The following ZNF469 variants were observed in gnomAD, a reference collection of about 807,000 sequenced individuals.
ZNF469 encodes the protein zinc finger protein 469.
A neutral mutation model predicts 1.0 loss-of-function variants in ZNF469; 1 was observed. The observed-to-expected ratio is 1.00, with a 90% CI of 0.35 to 4.73. ZNF469 has a LOEUF of 4.73. Ranked by LOEUF, ZNF469 falls within the 30% of genes most tolerant of loss-of-function variation. The pLI is 0.16. For missense variants in ZNF469, 6,100 were observed against 5,356.3 expected, an observed-to-expected ratio of 1.14 and a Z score of -4.33; for synonymous variants, 2,703 against 2,363.4, an observed-to-expected ratio of 1.14 and a Z score of -4.17.
At chr16:88,406,809 G>A (rs998143457) in intron 1 of ZNF469, among the ~76,000 whole-genome samples, 1 of 152,142 alleles carries the variant, frequency 6.6e-6, no homozygotes, top group Non-Finnish European at 1.5e-5. Flanking sequence ...TACTGTTAGT[G>A]TTTTGCTTTC....
At chr16:88,417,754 GCACCTC>G (rs1206572429) in intron 1 of ZNF469, among the ~76,000 whole-genome samples, 1 of 152,194 alleles carries the variant, frequency 6.6e-6, no homozygotes, top group Non-Finnish European at 1.5e-5. Context: ...TGCTACAGTT[GCACCTC>G]CACCTCCCAG....
chr16:88,328,119 G>T, the ZNF469 span, among the ~76,000 whole-genome samples: 1 of 152,242 alleles, frequency 6.6e-6, no homozygotes, highest in African/African-American at 2.4e-5. Context: ...CGAGGAATCC[G>T]CAGGTCCCAG....
At chr16:88,247,437 T>A in the ZNF469 span, among the ~76,000 whole-genome samples, 3 of 149,988 alleles carry the variant, frequency 2.0e-5, no homozygotes, top group Non-Finnish European at 4.4e-5. Flanking sequence ...AATGAATGAG[T>A]GAATAAGTGA....
Position 88,439,613 on chromosome 16 carries a change from G to T in ZNF469, c.*281G>T. The T allele has an allele frequency of 2.1e-6, 1 of 481,714 alleles. No homozygotes were observed. Among genetic ancestry groups the T allele is most frequent in the Non-Finnish European group, 3.8e-6 (1 of 262,686 alleles). The allele number at this position is 481,714 out of a possible 1,614,324, so 29.8% of individuals were successfully genotyped here. A position where few individuals can be genotyped will look rare whatever the true frequency, so the allele number is the denominator to read the frequency against. ...TTGGTACCAAGTACTTGAAGAGACA[G>T]CAGCCCATCCCCTCAGCCCACACCC... On this transcript the variant is annotated 3_prime_UTR_variant, in exon 3 of 3. Transcript: ENST00000565624.
intron 1 of ZNF469, among the ~76,000 whole-genome samples, chr16:88,403,163 A>G (rs1456679263): frequency 2.0e-5 from 3 of 152,184 alleles, no homozygotes; most frequent in African/African-American, 7.2e-5. Context: ...GCTCGGGGCC[A>G]GTGGCCGTGC....
Position 88,429,234 on chromosome 16 carries a change from C to T in ZNF469, c.1764C>T (p.Pro588=), listed in dbSNP as rs1012060303. Residue 588 remains proline (P), a synonymous_variant, in exon 3 of 3, where the codon CCC becomes CCT. Transcript: ENST00000565624. The stretch of plus-strand genomic sequence containing the variant: ...CACCGAGGGTAGTGGGAGCCTCCCC[C>T]AGCGAGTCCCCACTGCCGTCACCGG... The part of the protein sequence containing the change: ...LPPPRVVGAS[P]SESPLPSPAT... 6 of 1,549,678 alleles carry T rather than the reference C, an allele frequency of 3.9e-6. No individual in the cohort carries two copies. The Admixed American group carries it at 5.9e-5, about 15-fold the overall frequency.
chr16:88,376,752 G>A, the ZNF469 span, among the ~76,000 whole-genome samples: 4 of 152,194 alleles, frequency 2.6e-5, no homozygotes, highest in East Asian at 5.8e-4. Flanking sequence ...GGGGTGTCCC[G>A]GCCACACGGC....
the ZNF469 span, among the ~76,000 whole-genome samples, chr16:88,365,535 G>C: frequency 6.6e-6 from 1 of 152,198 alleles, no homozygotes; most frequent in Non-Finnish European, 1.5e-5. Context: ...CAGGGGCAGG[G>C]CTCTGCTGGG....
At chr16:88,232,518 T>C in the ZNF469 span, among the ~76,000 whole-genome samples, 1 of 152,106 alleles carries the variant, frequency 6.6e-6, no homozygotes, top group Non-Finnish European at 1.5e-5. Flanking sequence ...CTTTCCTCCA[T>C]CCTGATTAGG....
At chr16:88,392,242 C>G (rs927136832) in intron 1 of ZNF469, among the ~76,000 whole-genome samples, 27 of 152,284 alleles carry the variant, frequency 1.8e-4, no homozygotes, top group African/African-American at 6.5e-4. Flanking sequence ...TGTCTTGATT[C>G]TGGCCAGCGA....
chr16:88,106,843 C>T, the ZNF469 span, among the ~76,000 whole-genome samples: 2 of 152,256 alleles, frequency 1.3e-5, no homozygotes, highest in Non-Finnish European at 2.9e-5. Context: ...CTGAAGCCAT[C>T]GCCCCCAGGC....
chr16:88,113,980 G>T, the ZNF469 span, among the ~76,000 whole-genome samples: 2 of 152,202 alleles, frequency 1.3e-5, no homozygotes, highest in Non-Finnish European at 2.9e-5. Context: ...CGTGCGATGG[G>T]AGGTCCTGTG....
chr16:88,110,842 A>G, the ZNF469 span, among the ~76,000 whole-genome samples: 147,944 of 152,348 alleles, frequency 0.97, 72,001 homozygotes, highest in Middle Eastern at 1. Flanking sequence ...GGTGCAGCTC[A>G]GCCGGGTGTA....
chr16:88,290,501 G>C, the ZNF469 span, among the ~76,000 whole-genome samples: 1 of 152,198 alleles, frequency 6.6e-6, no homozygotes, highest in Non-Finnish European at 1.5e-5. Flanking sequence ...CACAATTCGA[G>C]ATGTTAGTCT....
the ZNF469 span, among the ~76,000 whole-genome samples, chr16:88,150,342 T>TA: frequency 6.6e-6 from 1 of 152,274 alleles, no homozygotes; most frequent in African/African-American, 2.4e-5. Flanking sequence ...ACAAATAAAC[T>TA]AAAAAATGTG....
chr16:88,325,397 A>T, the ZNF469 span, among the ~76,000 whole-genome samples: 1 of 152,206 alleles, frequency 6.6e-6, no homozygotes, highest in Non-Finnish European at 1.5e-5. Flanking sequence ...GAGAGGCACA[A>T]TTTCCACCCA....
At chr16:88,350,453 C>A in the ZNF469 span, among the ~76,000 whole-genome samples, 1 of 152,260 alleles carries the variant, frequency 6.6e-6, no homozygotes, top group Non-Finnish European at 1.5e-5. Flanking sequence ...CAGCTCTCGC[C>A]TGGGCTGGGC....
chr16:88,411,883 G>A (rs1298017858), intron 1 of ZNF469, among the ~76,000 whole-genome samples: 1 of 68,316 alleles, frequency 1.5e-5, no homozygotes, highest in East Asian at 4.6e-4. Context: ...TCAGCATTCT[G>A]GGGGCCTCAC....
At chr16:88,173,405 T>C in the ZNF469 span, among the ~76,000 whole-genome samples, 1 of 152,188 alleles carries the variant, frequency 6.6e-6, no homozygotes, top group East Asian at 1.9e-4. Context: ...AAATTGGAGA[T>C]AATGACTATT....
Sources: gnomAD v4.1 joint callset for allele counts (sites outside exome capture counted in the v4.1 genomes callset) on GRCh38, gnomAD v4.1.1 for gene constraint, MANE v1.5 for transcripts, NCBI Gene and HGNC (gene_info 2026-07-23, HGNC 2026-07-21) for gene names.